The following AGK variants were observed in gnomAD, a reference collection of about 807,000 sequenced individuals.
AGK encodes the protein acylglycerol kinase.
Under a neutral mutation model 66.4 loss-of-function variants are expected in AGK, and 52 were observed. The observed-to-expected ratio is 0.78, with a 90% CI of 0.63 to 0.99. The LOEUF (loss-of-function observed/expected upper bound fraction) is 0.99, where lower values mean the gene tolerates loss of function less well. Among genes scored for constraint, AGK ranks in the 50% least tolerant of loss-of-function variants. AGK has a pLI of 0.00. For synonymous variants in AGK, 182 were observed against 181.1 expected (o/e 1.00, Z -0.04); for missense variants, 451 against 506.6 (o/e 0.89, Z 1.05).
intron 8 of AGK, among the ~76,000 whole-genome samples, chr7:141,617,994 G>A (rs986695774): frequency 6.6e-6 from 1 of 152,104 alleles, no homozygotes. Context: ...AGAAAAAAAT[G>A]GTGTAAAAAT....
In AGK at chr7:141,634,028, T is replaced by C. The variant is rs1311725892; in HGVS notation, c.668+48T>C. 6.0e-6 allele frequency: 9 copies of C among 1,488,710 alleles called. No homozygotes were observed. In the Admixed American group the frequency reaches 8.4e-5, roughly 14 times the overall value. The allele number at this position is 1,488,710 out of a possible 1,614,324, so 92.2% of individuals were successfully genotyped here. ...TGTGATGTTTTTTAAAAAAATCTTA[T>C]TCTGTCCCTGCCTTTCAGGTTTTAA... On this transcript the variant is annotated intron_variant, in intron 10 of 15. Transcript: ENST00000649286.
rs1201188220 is a variant in AGK at position 141,598,705 on chromosome 7, T to C, written c.221+2064T>C. On this transcript the variant is annotated intron_variant, in intron 4 of 15. Coordinates refer to ENST00000649286, the MANE Select transcript of AGK (RefSeq NM_018238.4). The surrounding 1 kb of genome is among the most constrained non-coding windows in gnomAD (Gnocchi z 4.2). ...GGGTTAGGTTCAGAACAGTCTTCAC[T>C]TCGCTATCCCATCCTTCCCAGAAGC... 2.0e-5 allele frequency among the ~76,000 whole-genome samples: 3 copies of C among 152,210 alleles called. No homozygotes were observed. Among genetic ancestry groups the C allele is most frequent in the African/African-American group, 7.2e-5 (3 of 41,454 alleles).
intron 2 of AGK, among the ~76,000 whole-genome samples, chr7:141,560,193 G>T (rs989086308): frequency 1.3e-5 from 2 of 151,750 alleles, no homozygotes; most frequent in Admixed American, 6.6e-5. Flanking sequence ...TTTCAAAATT[G>T]GGTATGATGT....
Position 141,596,549 on chromosome 7 carries a change from T to A in AGK, c.142-13T>A. The A allele has an allele frequency of 6.2e-7, 1 of 1,613,156 alleles. No homozygotes were observed. Among genetic ancestry groups the A allele is most frequent in the Non-Finnish European group, 8.5e-7 (1 of 1,179,304 alleles). On this transcript the variant is annotated splice_polypyrimidine_tract_variant and intron_variant, in intron 3 of 15. Transcript: ENST00000649286. ...TGGACTTTTACTGAAAACTTTGCTCTTTTCTTTTTTAGGTGTTTGGCAATC... is the reference window on the plus strand; with the variant it reads ...TGGACTTTTACTGAAAACTTTGCTCATTTCTTTTTTAGGTGTTTGGCAATC...
intron 1 of AGK, among the ~76,000 whole-genome samples, chr7:141,551,945 A>G (rs1200912983): frequency 6.6e-6 from 1 of 152,196 alleles, no homozygotes; most frequent in Non-Finnish European, 1.5e-5. Context: ...TGTCAAATTC[A>G]GTATCTCCTA....
rs1344408400 is a variant in AGK at position 141,637,017 on chromosome 7, G to A, written c.726G>A (p.Lys242=). The change falls in exon 11 of 16, where the codon AAG becomes AAA. Residue 242 remains lysine (K), a splice_region_variant and synonymous_variant. Transcript: ENST00000649286. Reference sequence around the variant, plus strand: ...CAGCCCACTTTTTCAGCACTCTTAAGGTAAATGTGATTTACAGTGTAGAAA... The same window carrying A: ...CAGCCCACTTTTTCAGCACTCTTAAAGTAAATGTGATTTACAGTGTAGAAA... ...IKAAHFFSTL[K]EWPQTHQASI... is the part of the protein sequence containing the mutation. The A allele has an allele frequency of 6.2e-7, 1 of 1,611,422 alleles. No individual in the cohort carries two copies. The highest frequency in any genetic ancestry group is 1.7e-5 in the Admixed American group (1 of 59,896).
chr7:141,611,325 G>A, intron 6 of AGK, 38 bp downstream of exon 6: 1 of 1,458,372 alleles, frequency 6.9e-7, no homozygotes, highest in Non-Finnish European at 9.5e-7. Context: ...TTTTGAAGGT[G>A]AGAAAAATGG....
intron 2 of AGK, among the ~76,000 whole-genome samples, chr7:141,585,138 T>C (rs1462286269): frequency 6.6e-6 from 1 of 152,226 alleles, no homozygotes; most frequent in African/African-American, 2.4e-5. Flanking sequence ...CCTGTTACAC[T>C]GCATACCTTC....
chr7:141,592,726 CAG>C (rs1028324216), intron 2 of AGK, among the ~76,000 whole-genome samples: 4 of 151,768 alleles, frequency 2.6e-5, no homozygotes, highest in Non-Finnish European at 4.4e-5. Flanking sequence ...TTTTTTTCAG[CAG>C]AGTCTCGCTC....
intron 13 of AGK, among the ~76,000 whole-genome samples, chr7:141,648,570 T>C (rs758426608): frequency 6.6e-6 from 1 of 152,208 alleles, no homozygotes; most frequent in Non-Finnish European, 1.5e-5. Context: ...AGACCTCTAT[T>C]TGAAGCTGAC....
At chr7:141,602,207 G>GTGTGTGTGTGTGTGTGTGTA (rs1562969917) in intron 5 of AGK, among the ~76,000 whole-genome samples, 1 of 151,492 alleles carries the variant, frequency 6.6e-6, no homozygotes, top group Non-Finnish European at 1.5e-5. Context: ...GTGTGTGTGT[G>GTGTGTGTGTGTGTGTGTGTA]TGTGTATGTA....
Position 141,637,405 on chromosome 7 carries a change from G to A in AGK, c.726+388G>A, listed in dbSNP as rs529083097. The stretch of plus-strand genomic sequence containing the variant: ...GTATCTGAATATATAATATCTAATT[G>A]TACAGGTTTGTGTTTGTATCAGTAG... On this transcript the variant is annotated intron_variant, in intron 11 of 15. Coordinates refer to ENST00000649286, the MANE Select transcript of AGK (RefSeq NM_018238.4). Among the ~76,000 whole-genome samples, 52 of 152,248 alleles carry A rather than the reference G, an allele frequency of 3.4e-4. 1 individual carries two copies. The highest frequency in any genetic ancestry group is 8.3e-4 in the South Asian group (4 of 4,824).
At chr7:141,623,396 A>G (rs1236641965) in intron 9 of AGK, among the ~76,000 whole-genome samples, 14 of 150,786 alleles carry the variant, frequency 9.3e-5, no homozygotes, top group Non-Finnish European at 1.8e-4. Flanking sequence ...AAAAAAAGAA[A>G]AAAAAAAGAA....
At chr7:141,564,892 G>A (rs1199639433) in intron 2 of AGK, among the ~76,000 whole-genome samples, 1 of 152,054 alleles carries the variant, frequency 6.6e-6, no homozygotes, top group East Asian at 1.9e-4. Context: ...ACCACACCTG[G>A]CTAATTTTGT....
intron 14 of AGK, 110 bp from the exon 15 acceptor site, chr7:141,651,415 T>C (rs1410182675): frequency 2.5e-5 from 21 of 824,836 alleles, no homozygotes; most frequent in South Asian, 1.9e-4. Flanking sequence ...TAATAGACCA[T>C]CTGTCCACTT....
intron 1 of AGK, among the ~76,000 whole-genome samples, chr7:141,553,312 A>G (rs1795139716): frequency 6.6e-6 from 1 of 152,028 alleles, no homozygotes; most frequent in South Asian, 2.1e-4. Flanking sequence ...CCACATCACC[A>G]TTTTTGGGGA....
intron 3 of AGK, 30 bp downstream of exon 3, chr7:141,593,215 C>T (rs1205472224): frequency 6.3e-7 from 1 of 1,596,466 alleles, no homozygotes; most frequent in South Asian, 1.1e-5. Context: ...TAAAATTAAG[C>T]CCCTCCTTAT....
chr7:141,638,024 T>C (rs1434463084), intron 11 of AGK, among the ~76,000 whole-genome samples: 2 of 152,108 alleles, frequency 1.3e-5, no homozygotes, highest in South Asian at 2.1e-4. Context: ...TAGGAAGAAA[T>C]AGAGTAGCTA....
chr7:141,634,801 T>A (rs907061683), intron 10 of AGK, among the ~76,000 whole-genome samples: 10 of 151,986 alleles, frequency 6.6e-5, no homozygotes, highest in Non-Finnish European at 1.3e-4. Context: ...AAGAAATTGC[T>A]CTTTCACTTA....
Sources: gnomAD v4.1 joint callset for allele counts (sites outside exome capture counted in the v4.1 genomes callset) on GRCh38, gnomAD v4.1.1 for gene constraint, Gnocchi (gnomAD v3.1) non-coding constraint, MANE v1.5 for transcripts, NCBI Gene and HGNC (gene_info 2026-07-23, HGNC 2026-07-21) for gene names.